Variants in SPTBN5 observed in about 807,000 individuals in gnomAD.
SPTBN5 encodes the protein spectrin beta, non-erythrocytic 5.
In SPTBN5, 513 loss-of-function variants were observed where a neutral mutation model predicts 477.6. The observed-to-expected ratio is 1.07, with a 90% CI of 1.00 to 1.16. The LOEUF (loss-of-function observed/expected upper bound fraction) is 1.16. Among genes scored for constraint, SPTBN5 ranks in the 50% most tolerant of loss-of-function variants. The pLI, the probability that SPTBN5 is intolerant of heterozygous loss-of-function variation, is 0.00. For synonymous variants in SPTBN5, 2,169 were observed against 2,011.7 expected (o/e 1.08, Z -2.09); for missense variants, 5,062 against 4,731.8 (o/e 1.07, Z -2.05).
intron 62 of SPTBN5, 138 bp from the exon 63 acceptor site, chr15:41,851,988 T>A: frequency 1.1e-6 from 1 of 913,338 alleles, no homozygotes; most frequent in African/African-American, 1.7e-5. Context: ...GCTTCTAAGA[T>A]CAGATGAGAT....
At chr15:41,868,371 G>A in intron 33 of SPTBN5, 27 bp downstream of exon 33, 3 of 1,589,920 alleles carry the variant, frequency 1.9e-6, no homozygotes, top group Admixed American at 1.7e-5. Flanking sequence ...GCTAGGGTAT[G>A]TGGGGGCACC....
At chr15:41,862,359 C>A (rs1184304957) in intron 43 of SPTBN5, 67 bp from the exon 44 acceptor site, 1 of 1,537,382 alleles carries the variant, frequency 6.5e-7, no homozygotes, top group Non-Finnish European at 8.8e-7. Context: ...CCACTGGTGT[C>A]TTCTGTCCCT....
Position 41,854,210 on chromosome 15 carries a change from G to T in SPTBN5, c.9619-5C>A. The T allele has an allele frequency of 6.3e-7, 1 of 1,591,948 alleles. No individual in the cohort carries two copies. Among genetic ancestry groups the T allele is most frequent in the Non-Finnish European group, 8.6e-7 (1 of 1,169,420 alleles). On this transcript the variant is annotated splice_polypyrimidine_tract_variant and splice_region_variant and intron_variant, in intron 56 of 67. Coordinates refer to ENST00000320955, the MANE Select transcript of SPTBN5 (RefSeq NM_016642.4). The stretch of plus-strand genomic sequence containing the variant: ...CTCATGGGCTGCAGCCAAGTTCTGG[G>T]AGAGGAGAAAGGACCTGCTCAGGGC...
Position 41,858,685 on chromosome 15 carries a change from T to C in SPTBN5, c.8143A>G (p.Met2715Val), listed in dbSNP as rs2065999563. The stretch of plus-strand genomic sequence containing the variant: ...TGCTTCTGTAACTGTGCTGGCAGCA[T>C]GGCTGTGTCCAGCAAACCCTCCTCC... ...ALEEGLLDTA[M>V]LPAQLQKQQN... Residue 2715 changes from methionine (M) to valine (V), a missense_variant, in exon 49 of 68, where the codon ATG (methionine) becomes GTG (valine). Met to Val is a conservative substitution (Grantham distance 21). Transcript: ENST00000320955. The C allele has an allele frequency of 1.2e-6, 2 of 1,610,716 alleles. No homozygotes were observed. Among genetic ancestry groups the C allele is most frequent in the African/African-American group, 1.3e-5 (1 of 75,034 alleles).
intron 4 of SPTBN5, 21 bp downstream of exon 4, chr15:41,890,068 G>C (rs759839906): frequency 6.2e-5 from 95 of 1,537,354 alleles, no homozygotes; most frequent in Middle Eastern, 5.0e-4. Context: ...CAGGTGCTGG[G>C]TACTGGGGAC....
intron 26 of SPTBN5, 27 bp from the exon 27 acceptor site, chr15:41,872,486 G>T (rs1595482066): frequency 8.4e-6 from 13 of 1,540,374 alleles, no homozygotes; most frequent in Non-Finnish European, 1.1e-5. Flanking sequence ...CCCATGCCAG[G>T]CTCAGCCTGG....
At position 41,853,382 on chromosome 15, in the gene SPTBN5, G is replaced by GC; in HGVS notation, c.10045dup (p.Ala3349GlyfsTer2). 1 of 1,607,628 alleles carries GC rather than the reference G, an allele frequency of 6.2e-7. No individual in the cohort carries two copies. On this transcript the variant is annotated frameshift_variant, in exon 59 of 68. Transcript: ENST00000320955. LOFTEE classifies it high-confidence loss of function. ...TTCATGCTGCCCAAGGAGCTGCTCA[G>GC]CCCCCGCCACGTCCTCAGCCAGCTC...
intron 67 of SPTBN5, among the ~76,000 whole-genome samples, chr15:41,849,418 G>A (rs2065671717): frequency 6.6e-6 from 1 of 152,216 alleles, no homozygotes; most frequent in Non-Finnish European, 1.5e-5. Context: ...TAGAGAACGG[G>A]TTGGAACAAG....
At chr15:41,850,040 T>A in intron 66 of SPTBN5, 81 bp from the exon 67 acceptor site, 7 of 1,178,850 alleles carry the variant, frequency 5.9e-6, no homozygotes, top group Non-Finnish European at 7.4e-6. Context: ...TTCCTCCAGC[T>A]TCTGGAGGCT....
intron 49 of SPTBN5, among the ~76,000 whole-genome samples, chr15:41,858,341 T>G (rs1401999377): frequency 6.6e-6 from 1 of 151,830 alleles, no homozygotes; most frequent in Non-Finnish European, 1.5e-5. Flanking sequence ...GACTGGTGGC[T>G]ATGTCCTGTT....
chr15:41,880,249 G>A lies in SPTBN5; in HGVS notation c.2722C>T (p.Leu908Phe). The change falls in exon 14 of 68, where the codon CTC becomes TTC. Residue 908 changes from leucine to phenylalanine, a missense_variant. Leu to Phe is a conservative substitution (Grantham distance 22). Transcript: ENST00000320955. The part of the protein sequence containing the change: ...LFGFCSSCGE[L>F]QLWLEKQTVL... ...GTCTGCTTCTCCAGCCACAACTGGA[G>A]CTCCCCACAGGAACTGCAGAAACCG... 8 of 1,607,484 alleles carry A rather than the reference G, an allele frequency of 5.0e-6. No homozygotes were observed. The highest frequency in any genetic ancestry group is 6.8e-6 in the Non-Finnish European group (8 of 1,177,472).
chr15:41,882,749 A>G lies in SPTBN5; in HGVS notation c.1893-11T>C, dbSNP rs779862696. 14 of 1,605,938 alleles carry G rather than the reference A, an allele frequency of 8.7e-6. No individual in the cohort carries two copies. Among genetic ancestry groups the G allele is most frequent in the Non-Finnish European group, 1.0e-5 (12 of 1,176,264 alleles). On this transcript the variant is annotated splice_polypyrimidine_tract_variant and intron_variant, in intron 9 of 67. Coordinates refer to ENST00000320955, the MANE Select transcript of SPTBN5 (RefSeq NM_016642.4). Reference sequence around the variant, plus strand: ...TCCAGCAGGGCCCGCCTGAGGGACAATAGGGGCCACCGAAGGACATGGGGA... The same window carrying G: ...TCCAGCAGGGCCCGCCTGAGGGACAGTAGGGGCCACCGAAGGACATGGGGA...
chr15:41,888,944 C>CA (rs1299933065), intron 4 of SPTBN5, among the ~76,000 whole-genome samples: 11 of 152,230 alleles, frequency 7.2e-5, no homozygotes, highest in Admixed American at 7.2e-4. Flanking sequence ...GCCAGGCTGG[C>CA]AGACGGAACT....
rs147427016 is a variant in SPTBN5 at position 41,862,106 on chromosome 15, G to A, written c.7548+24C>T. Reference sequence around the variant, plus strand: ...AGGGCGGAGCTGAGAGCCTGGGAAAGGCTTGGGCCAGCTGCCCATTCACCT... The same window carrying A: ...AGGGCGGAGCTGAGAGCCTGGGAAAAGCTTGGGCCAGCTGCCCATTCACCT... On this transcript the variant is annotated intron_variant, in intron 44 of 67. Transcript: ENST00000320955. 6.3e-4 allele frequency: 960 copies of A among 1,533,042 alleles called. 3 individuals carry two copies. In the African/African-American group the frequency reaches 0.011, roughly 18 times the overall value. 95.0% of individuals were successfully genotyped at this position (1,533,042 alleles called of 1,614,324 possible). A position where few individuals can be genotyped will look rare whatever the true frequency, so the allele number is the denominator to read the frequency against.
Position 41,883,183 on chromosome 15 carries a change from C to G in SPTBN5, c.1705G>C (p.Val569Leu). The G allele has an allele frequency of 6.2e-7, 1 of 1,612,592 alleles. No individual in the cohort carries two copies. Among genetic ancestry groups the G allele is most frequent in the Non-Finnish European group, 8.5e-7 (1 of 1,179,700 alleles). ...AGGTCATGCCTCTGCAGCAGCTCCA[C>G]CACTTCTGCCAGCTGCTGCCCACAG... ...TACGQQLAEV[V>L]ELLQRHDLLE... The change falls in exon 9 of 68, where the codon GTG becomes CTG. Residue 569 changes from valine to leucine, a missense_variant. Transcript: ENST00000320955.
In SPTBN5 at chr15:41,871,770, C is replaced by G. The variant is rs1422501237; in HGVS notation, c.5301+12G>C. 1 of 1,567,284 alleles carries G rather than the reference C, an allele frequency of 6.4e-7. No individual in the cohort carries two copies. Among genetic ancestry groups the G allele is most frequent in the East Asian group, 2.3e-5 (1 of 42,772 alleles). ...CTCAGGGCACCCTCCTTGACCCTGG[C>G]CCTCTTCTCACCAGGGCGTGCTCGG... On this transcript the variant is annotated intron_variant, in intron 28 of 67. Coordinates refer to ENST00000320955, the MANE Select transcript of SPTBN5 (RefSeq NM_016642.4).
chr15:41,858,838 T>C (rs529431157), intron 48 of SPTBN5, 52 bp downstream of exon 48: 805 of 1,546,244 alleles, frequency 5.2e-4, no homozygotes, highest in Non-Finnish European at 6.6e-4. Context: ...GGCCTTTCCC[T>C]GGGTCGACTC....
chr15:41,890,141 A>G lies in SPTBN5; in HGVS notation c.449T>C (p.Leu150Pro). The G allele has an allele frequency of 6.2e-7, 1 of 1,613,406 alleles. No homozygotes were observed. Among genetic ancestry groups the G allele is most frequent in the Non-Finnish European group, 8.5e-7 (1 of 1,179,674 alleles). Residue 150 changes from leucine (L) to proline (P), a missense_variant, in exon 4 of 68, where the codon CTC becomes CCC. Transcript: ENST00000320955. ...GAAACGCAGAATGATGACCCAGATG[A>G]GTCCCAGGATGAGTGTCTGGTCTCC... The part of the protein sequence containing the change: ...VDGDQTLILG[L>P]IWVIILRFQI...
At position 41,874,295 on chromosome 15, in the gene SPTBN5, G is replaced by T; in HGVS notation, c.4686C>A (p.His1562Gln). 1 of 1,610,354 alleles carries T rather than the reference G, an allele frequency of 6.2e-7. No individual in the cohort carries two copies. Among genetic ancestry groups the T allele is most frequent in the Non-Finnish European group, 8.5e-7 (1 of 1,178,080 alleles). The change falls in exon 24 of 68, where the codon CAC (histidine) becomes CAA (glutamine). Residue 1562 changes from histidine to glutamine, a missense_variant. Physicochemically the swap from His to Gln is conservative, Grantham distance 24 (BLOSUM62 0). Coordinates refer to ENST00000320955, the MANE Select transcript of SPTBN5 (RefSeq NM_016642.4). ...LNGAQSLHRK[H>Q]KELQVEVKAH... The stretch of plus-strand genomic sequence containing the variant: ...GTAGGAAGAAGAGGGCTATTACCTT[G>T]TGCTTGCGGTGAAGGCTCTGGGCAC...
Sources: gnomAD v4.1 joint callset for allele counts (sites outside exome capture counted in the v4.1 genomes callset) on GRCh38, gnomAD v4.1.1 for gene constraint, MANE v1.5 for transcripts, NCBI Gene and HGNC (gene_info 2026-07-23, HGNC 2026-07-21) for gene names.